Variants in PCDHA3 observed in about 807,000 individuals in gnomAD.
PCDHA3 encodes the protein protocadherin alpha 3.
PCDHA3 carries 41 observed loss-of-function variants against 62.2 expected under a neutral mutation model. The ratio of observed to expected loss-of-function variants is 0.66; its 90% CI spans 0.51 to 0.86. PCDHA3 has a LOEUF of 0.86. Among genes scored for constraint, PCDHA3 ranks in the 40% least tolerant of loss-of-function variants. PCDHA3 has a pLI of 0.00. For synonymous variants in PCDHA3, 640 were observed against 555.4 expected, an observed-to-expected ratio of 1.15 and a Z score of -2.14; for missense variants, 1,304 against 1,241.2, an observed-to-expected ratio of 1.05 and a Z score of -0.76.
Position 140,802,181 on chromosome 5 carries a change from C to T in PCDHA3, c.984C>T (p.Pro328=), listed in dbSNP as rs1762862859. Residue 328 remains proline (P), a synonymous_variant, in exon 1 of 4, where the codon CCC becomes CCT. Transcript: ENST00000522353. ...IQVEATDKGN[P]PMSDHCTVLL... The stretch of plus-strand genomic sequence containing the variant: ...TAGAAGCCACGGATAAAGGAAATCC[C>T]CCAATGTCAGATCACTGCACAGTTC... The T allele has an allele frequency of 6.2e-7, 1 of 1,614,188 alleles. No homozygotes were observed.
intron 1 of PCDHA3, among the ~76,000 whole-genome samples, chr5:140,916,329 T>C (rs1554197398): frequency 6.6e-6 from 1 of 152,178 alleles, no homozygotes; most frequent in African/African-American, 2.4e-5. Context: ...TCCCCTTTAC[T>C]TTTTCCTCTG....
At chr5:140,810,971 G>C (rs1554125620) in intron 1 of PCDHA3, 4 of 151,944 alleles carry the variant, frequency 2.6e-5, no homozygotes, top group Admixed American at 2.6e-4. Flanking sequence ...TTTTATCATT[G>C]TTGTGAGGTA....
Position 140,828,509 on chromosome 5 carries a change from G to C in PCDHA3, c.2394+24918G>C, listed in dbSNP as rs2150156220. 7.7e-5 allele frequency: 125 copies of C among 1,614,278 alleles called. 6 individuals are homozygous for C. The South Asian group carries it at 1.4e-3, about 18-fold the overall frequency. ...CTTGTTCCCGGTAGAGGAACAAAGAGTGCTGATTTACGAATCTAGGCTGCC... is the reference window on the plus strand; with the variant it reads ...CTTGTTCCCGGTAGAGGAACAAAGACTGCTGATTTACGAATCTAGGCTGCC... On this transcript the variant is annotated intron_variant, in intron 1 of 3. Transcript: ENST00000522353.
rs782099262 is a variant in PCDHA3 at position 140,927,918 on chromosome 5, C to A, written c.2395-51031C>A. 3.7e-6 allele frequency: 6 copies of A among 1,614,220 alleles called. No homozygotes were observed. In the South Asian group the frequency reaches 4.4e-5, roughly 12 times the overall value. ...ACGATCATGCCCCCGAACTGGACTT[C>A]CTGACTCTTTCGAACCCAGTACCTG... On this transcript the variant is annotated intron_variant, in intron 1 of 3. Transcript: ENST00000522353.
chr5:140,807,655 C>T (rs1554124179), intron 1 of PCDHA3: 2 of 1,614,066 alleles, frequency 1.2e-6, no homozygotes, highest in South Asian at 1.1e-5. Context: ...CACTAGAGGG[C>T]GCCTCGGATG....
chr5:140,836,216 G>C lies in PCDHA3; in HGVS notation c.2394+32625G>C, dbSNP rs1311247537. On this transcript the variant is annotated intron_variant, in intron 1 of 3. Coordinates refer to ENST00000522353, the MANE Select transcript of PCDHA3 (RefSeq NM_018906.3). The stretch of plus-strand genomic sequence containing the variant: ...ACAACGCGTGGCTTTCGTATGAGTT[G>C]CAACCGGTGGCGGCCGGTGCGAGCA... The C allele has an allele frequency of 1.2e-6, 2 of 1,613,724 alleles. No individual in the cohort carries two copies. Among genetic ancestry groups the C allele is most frequent in the East Asian group, 4.5e-5 (2 of 44,868 alleles).
chr5:140,857,659 C>G lies in PCDHA3; in HGVS notation c.2394+54068C>G, dbSNP rs200404988. On this transcript the variant is annotated intron_variant, in intron 1 of 3. Transcript: ENST00000522353. ...TGCTACAGTTCCAGGTGAGCGCGCG[C>G]GATGGGGGCGTGCCGCCTCTGGGCA... is the stretch of plus-strand genomic sequence containing the variant. 3.8e-6 allele frequency: 6 copies of G among 1,596,596 alleles called. No individual in the cohort carries two copies. In the Admixed American group the frequency reaches 8.4e-5, roughly 22 times the overall value.
At position 140,928,087 on chromosome 5, in the gene PCDHA3, A is replaced by T. The variant is rs1554205462; in HGVS notation, c.2395-50862A>T. On this transcript the variant is annotated intron_variant, in intron 1 of 3. Coordinates refer to ENST00000522353, the MANE Select transcript of PCDHA3 (RefSeq NM_018906.3). The stretch of plus-strand genomic sequence containing the variant: ...CTTTGACAACTACTACAGCCTGCTG[A>T]TTGATGGGCCCCTGGACCGGGAGCA... 3.1e-6 allele frequency: 5 copies of T among 1,614,022 alleles called. No individual in the cohort carries two copies. In the African/African-American group the frequency reaches 5.3e-5, roughly 17 times the overall value.
At chr5:140,935,374 T>A (rs2090335210) in intron 1 of PCDHA3, among the ~76,000 whole-genome samples, 1 of 152,248 alleles carries the variant, frequency 6.6e-6, no homozygotes. Flanking sequence ...GTCAACAGAA[T>A]TACTCATTTG....
intron 1 of PCDHA3, chr5:140,851,257 T>A: frequency 9.2e-7 from 1 of 1,087,842 alleles, no homozygotes; most frequent in East Asian, 4.1e-5. Context: ...GCATAGTATT[T>A]TAGTCTACTT....
intron 1 of PCDHA3, chr5:140,877,444 G>A (rs782552942): frequency 6.2e-7 from 1 of 1,613,864 alleles, no homozygotes; most frequent in South Asian, 1.1e-5. Context: ...CGGTGAGCCC[G>A]CGCTGACGTC....
chr5:140,969,636 T>C (rs2096349824), intron 1 of PCDHA3: 1 of 212,100 alleles, frequency 4.7e-6, no homozygotes, highest in Non-Finnish European at 8.1e-6. Context: ...GGACAGGCCT[T>C]GGAATAGGGA....
At position 140,858,183 on chromosome 5, in the gene PCDHA3, C is replaced by T. The variant is rs1417282608; in HGVS notation, c.2394+54592C>T. The T allele has an allele frequency of 1.1e-5, 17 of 1,597,392 alleles. 4 individuals carry two copies. The highest frequency in any genetic ancestry group is 5.5e-5 in the South Asian group (5 of 90,536). On this transcript the variant is annotated intron_variant, in intron 1 of 3. Transcript: ENST00000522353. ...GCGGTGTCCAGCTTGCTGGTGCTCA[C>T]GCTGCTGCTGTACACTGCACTGAGG...
intron 1 of PCDHA3, chr5:140,807,540 A>T: frequency 6.2e-7 from 1 of 1,614,136 alleles, no homozygotes; most frequent in South Asian, 1.1e-5. Context: ...CAGGTTTTCC[A>T]TGTGGACGTG....
At chr5:140,854,140 T>A (rs251357) in intron 1 of PCDHA3, 2 of 418,878 alleles carry the variant, frequency 4.8e-6, no homozygotes, top group Non-Finnish European at 3.0e-6. Flanking sequence ...TCAGCCCGGG[T>A]GACAGCAAGA....
At chr5:140,929,554 C>T (rs899446101) in intron 1 of PCDHA3, 4 of 488,414 alleles carry the variant, frequency 8.2e-6, no homozygotes, top group Non-Finnish European at 1.4e-5. Context: ...AAAATTAAAA[C>T]CTATTTAAGA....
intron 1 of PCDHA3, chr5:140,835,853 G>C (rs2150246654): frequency 1.2e-6 from 2 of 1,612,274 alleles, no homozygotes; most frequent in South Asian, 2.2e-5. Flanking sequence ...ACGCGCTGGT[G>C]TCCTACTCGC....
chr5:140,856,518 C>T, intron 1 of PCDHA3: 1 of 1,598,510 alleles, frequency 6.3e-7, no homozygotes, highest in Non-Finnish European at 8.6e-7. Flanking sequence ...GAAGGCGCAT[C>T]TGATGCGGAT....
In PCDHA3 at chr5:140,851,114, A is replaced by C; in HGVS notation, c.2394+47523A>C. On this transcript the variant is annotated intron_variant, in intron 1 of 3. Transcript: ENST00000522353. ...TAGATATTTTTTGGGTGCTGAATCA[A>C]TTTTATTTAAATTTGTGATTAAAGT... 6 of 1,305,466 alleles carry C rather than the reference A, an allele frequency of 4.6e-6. 1 individual carries two copies. The highest frequency in any genetic ancestry group is 6.0e-6 in the Non-Finnish European group (6 of 1,007,386). 80.9% of individuals were successfully genotyped at this position (1,305,466 alleles called of 1,614,324 possible).
Sources: gnomAD v4.1 joint callset for allele counts (sites outside exome capture counted in the v4.1 genomes callset) on GRCh38, gnomAD v4.1.1 for gene constraint, MANE v1.5 for transcripts, NCBI Gene and HGNC (gene_info 2026-07-23, HGNC 2026-07-21) for gene names.